The following TAFA5 variants were observed in gnomAD, a reference collection of about 807,000 sequenced individuals.
TAFA5 encodes chemokine-like protein TAFA-5.
In TAFA5, 6 loss-of-function variants were observed where a neutral mutation model predicts 15.3. The ratio of observed to expected loss-of-function variants is 0.39; its 90% CI spans 0.21 to 0.77. The LOEUF is 0.77. Among genes scored for constraint, TAFA5 ranks in the 30% least tolerant of loss-of-function variants. The pLI is 0.41. For synonymous variants in TAFA5, 103 were observed against 80.7 expected (o/e 1.28, Z -1.48); for missense variants, 161 against 193.1 (o/e 0.83, Z 0.98).
chr22:48,615,341 G>A (rs1043773552), intron 1 of TAFA5, among the ~76,000 whole-genome samples: 22 of 152,216 alleles, frequency 1.4e-4, no homozygotes, highest in Non-Finnish European at 2.2e-4. Context: ...TTGTCCCCAA[G>A]CAAAGGGAAG....
chr22:48,632,131 C>T (rs1926252455), intron 1 of TAFA5, among the ~76,000 whole-genome samples: 1 of 152,170 alleles, frequency 6.6e-6, no homozygotes, highest in Non-Finnish European at 1.5e-5. Context: ...TTGGGAGCGG[C>T]TGGGGTGCAG....
intron 1 of TAFA5, among the ~76,000 whole-genome samples, chr22:48,512,871 C>G (rs530922675): frequency 1.4e-5 from 2 of 138,234 alleles, no homozygotes; most frequent in East Asian, 4.5e-4. Flanking sequence ...TGCAGTGAGC[C>G]GAGATTGTGC....
intron 1 of TAFA5, among the ~76,000 whole-genome samples, chr22:48,565,151 T>C (rs957125131): frequency 6.6e-6 from 1 of 152,156 alleles, no homozygotes; most frequent in Non-Finnish European, 1.5e-5. Flanking sequence ...CTCCCTGCCA[T>C]GTGAGGGCAT....
chr22:48,586,015 A>T (rs1318352500), intron 1 of TAFA5, among the ~76,000 whole-genome samples: 1 of 152,194 alleles, frequency 6.6e-6, no homozygotes, highest in Non-Finnish European at 1.5e-5. Flanking sequence ...AAGGGAGAGG[A>T]GGGTGGACCC....
chr22:48,507,891 C>T (rs77986799), intron 1 of TAFA5, among the ~76,000 whole-genome samples: 8,569 of 152,172 alleles, frequency 0.056, 272 homozygotes, highest in Middle Eastern at 0.092. Context: ...TTGGGCATCC[C>T]CAGCACGAGG....
At chr22:48,686,820 AGGATGGACTGATTGATGGATGGAT>A (rs1928370110) in intron 2 of TAFA5, among the ~76,000 whole-genome samples, 8 of 141,382 alleles carry the variant, frequency 5.7e-5, no homozygotes, top group Admixed American at 5.5e-4. Flanking sequence ...GATTGGAGGA[AGGATGGACTGATTGATGGATGGAT>A]GGATGGACTA....
intron 1 of TAFA5, chr22:48,576,461 G>T (rs1370480494): frequency 1.4e-6 from 2 of 1,403,172 alleles, no homozygotes; most frequent in Admixed American, 4.8e-5. Flanking sequence ...CGGGGGCGTC[G>T]GCCGAGTTGG....
chr22:48,691,563 A>G (rs4925438), intron 2 of TAFA5, among the ~76,000 whole-genome samples: 58,747 of 152,080 alleles, frequency 0.39, 11,663 homozygotes, highest in African/African-American at 0.48. Flanking sequence ...GGAGAGGCTC[A>G]CAGTCGCAGT....
intron 1 of TAFA5, among the ~76,000 whole-genome samples, chr22:48,615,909 A>G (rs896125687): frequency 1.3e-5 from 2 of 152,144 alleles, no homozygotes; most frequent in Admixed American, 6.5e-5. Flanking sequence ...ATGGTTTCCA[A>G]TCCTCACCCT....
At chr22:48,633,266 G>C (rs1390176183) in intron 1 of TAFA5, among the ~76,000 whole-genome samples, 2 of 152,240 alleles carry the variant, frequency 1.3e-5, no homozygotes. Flanking sequence ...TGCCCACCAC[G>C]GCAGGGAGAG....
At chr22:48,564,451 G>T (rs533301919) in intron 1 of TAFA5, among the ~76,000 whole-genome samples, 8 of 152,398 alleles carry the variant, frequency 5.2e-5, no homozygotes, top group African/African-American at 1.9e-4. Context: ...CTGTGGGTTG[G>T]CTTCCAAGCT....
rs566909183 is a variant in TAFA5 at position 48,560,277 on chromosome 22, C to T, written c.112+70573C>T. On this transcript the variant is annotated intron_variant, in intron 1 of 3. Transcript: ENST00000402357. This position sits in a 1 kb window ranked among gnomAD's most constrained non-coding sequence, Gnocchi z 4.2. ...GCCCAGGCTGGTGCCGTCAGGCTCC[C>T]GGCATTGGTGCACCCCGGCATTGGT... is the stretch of plus-strand genomic sequence containing the variant. 3.9e-5 allele frequency among the ~76,000 whole-genome samples: 6 copies of T among 152,326 alleles called. No individual in the cohort carries two copies. The highest frequency in any genetic ancestry group is 2.0e-4 in the Admixed American group (3 of 15,304).
intron 1 of TAFA5, among the ~76,000 whole-genome samples, chr22:48,604,817 A>G (rs1448764252): frequency 2.0e-5 from 3 of 152,140 alleles, no homozygotes; most frequent in African/African-American, 7.2e-5. Context: ...TATGAGAGGT[A>G]TGCTTCTTAG....
intron 1 of TAFA5, among the ~76,000 whole-genome samples, chr22:48,584,016 A>G (rs866520280): frequency 1.6e-5 from 2 of 122,176 alleles, no homozygotes; most frequent in Non-Finnish European, 3.5e-5. Context: ...CACACCACAC[A>G]CCACACGCCA....
At chr22:48,564,918 G>A (rs1486583017) in intron 1 of TAFA5, among the ~76,000 whole-genome samples, 1 of 152,252 alleles carries the variant, frequency 6.6e-6, no homozygotes, top group African/African-American at 2.4e-5. Flanking sequence ...GCAAAAAAGA[G>A]GAGGTGCAGA....
At chr22:48,603,677 A>C (rs961022266) in intron 1 of TAFA5, among the ~76,000 whole-genome samples, 5 of 152,178 alleles carry the variant, frequency 3.3e-5, no homozygotes, top group Non-Finnish European at 5.9e-5. Context: ...CAGCCCACAG[A>C]GGTGCAGCTG....
intron 2 of TAFA5, among the ~76,000 whole-genome samples, chr22:48,700,672 C>T (rs1233414692): frequency 1.3e-5 from 2 of 152,122 alleles, no homozygotes; most frequent in Non-Finnish European, 1.5e-5. Flanking sequence ...CACCTGTGTG[C>T]ACGCACTCCA....
intron 1 of TAFA5, among the ~76,000 whole-genome samples, chr22:48,609,140 G>A (rs1374195840): frequency 6.6e-6 from 1 of 152,212 alleles, no homozygotes; most frequent in Non-Finnish European, 1.5e-5. Context: ...ATGGATGTGC[G>A]TAAACAGGTG....
chr22:48,583,133 A>ACACACAC (rs1208401555), intron 1 of TAFA5, among the ~76,000 whole-genome samples: 1 of 150,788 alleles, frequency 6.6e-6, no homozygotes, highest in Non-Finnish European at 1.5e-5. Flanking sequence ...CACACGCCAC[A>ACACACAC]CACACACCAC....
Sources: gnomAD v4.1 joint callset for allele counts (sites outside exome capture counted in the v4.1 genomes callset) on GRCh38, gnomAD v4.1.1 for gene constraint, Gnocchi (gnomAD v3.1) non-coding constraint, MANE v1.5 for transcripts, NCBI Gene and HGNC (gene_info 2026-07-23, HGNC 2026-07-21) for gene names.